Variants in PPARD observed in about 807,000 individuals in gnomAD.
PPARD encodes the protein peroxisome proliferator-activated receptor delta.
In PPARD, 6 loss-of-function variants were observed where a neutral mutation model predicts 39.5. The observed-to-expected ratio is 0.15, with a 90% CI of 0.08 to 0.30. The LOEUF is 0.30. PPARD is among the 10% of genes least tolerant of loss of function. PPARD has a pLI of 1.00. For missense variants in PPARD, 397 were observed against 596.8 expected, an observed-to-expected ratio of 0.67 and a Z score of 3.49; for synonymous variants, 210 against 231.3, an observed-to-expected ratio of 0.91 and a Z score of 0.83.
At chr6:35,345,233 A>C (rs562222273) in intron 1 of PPARD, among the ~76,000 whole-genome samples, 6 of 152,270 alleles carry the variant, frequency 3.9e-5, no homozygotes, top group South Asian at 2.1e-4. Flanking sequence ...ATTGTCAATT[A>C]CCAAATTCCT....
chr6:35,347,584 A>AATATAT (rs112387803), intron 2 of PPARD, among the ~76,000 whole-genome samples: 96 of 147,286 alleles, frequency 6.5e-4, no homozygotes, highest in African/African-American at 2.3e-3. Flanking sequence ...TTAGGGGGCA[A>AATATAT]ATATATATAT....
chr6:35,405,066 T>G (rs1764946783), intron 2 of PPARD, among the ~76,000 whole-genome samples: 2 of 151,988 alleles, frequency 1.3e-5, no homozygotes, highest in Admixed American at 1.3e-4. Flanking sequence ...ATCCTTTTAT[T>G]TTTATTTTTT....
intron 3 of PPARD, among the ~76,000 whole-genome samples, chr6:35,414,863 A>G (rs531102758): frequency 1.0e-3 from 158 of 152,236 alleles, no homozygotes; most frequent in African/African-American, 3.8e-3. Flanking sequence ...ACTGACTCTC[A>G]GTGCAGATAT....
intron 1 of PPARD, among the ~76,000 whole-genome samples, chr6:35,344,980 G>A (rs1792086126): frequency 6.6e-6 from 1 of 152,136 alleles, no homozygotes; most frequent in South Asian, 2.1e-4. Context: ...AAGAGGTAGA[G>A]GTCAAGTGTT....
chr6:35,426,008 C>G lies in PPARD; in HGVS notation c.1255C>G (p.Arg419Gly). 6.2e-7 allele frequency: 1 copy of G among 1,614,058 alleles called. No homozygotes were observed. The highest frequency in any genetic ancestry group is 8.5e-7 in the Non-Finnish European group (1 of 1,180,032). ...CACCGAGCACGCCCAGATGATGCAG[C>G]GGATCAAGAAGACCGAAACCGAGAC... ...LVTEHAQMMQRIKKTETETSL... is the reference protein window; with the variant it reads ...LVTEHAQMMQGIKKTETETSL... Residue 419 changes from arginine (R) to glycine (G), a missense_variant, in exon 8 of 8, where the codon CGG (arginine) becomes GGG (glycine). Physicochemically the swap from Arg to Gly is moderately radical, Grantham distance 125. Transcript: ENST00000360694.
intron 2 of PPARD, among the ~76,000 whole-genome samples, chr6:35,394,126 C>T (rs1764175152): frequency 6.6e-6 from 1 of 152,242 alleles, no homozygotes; most frequent in Non-Finnish European, 1.5e-5. Context: ...TCTCCCTTCC[C>T]TCCTGTTCTT....
intron 2 of PPARD, among the ~76,000 whole-genome samples, chr6:35,353,408 CCAGGG>C (rs1761377895): frequency 6.6e-6 from 1 of 152,182 alleles, no homozygotes. Context: ...GCACCCAGAG[CCAGGG>C]TGGAATAACC....
At chr6:35,384,901 G>A (rs1458405174) in intron 2 of PPARD, among the ~76,000 whole-genome samples, 10 of 127,506 alleles carry the variant, frequency 7.8e-5, no homozygotes, top group Admixed American at 2.9e-4. Flanking sequence ...CTGCCTGGCC[G>A]CCCCTACTGG....
chr6:35,379,578 C>A (rs1031033088), intron 2 of PPARD, among the ~76,000 whole-genome samples: 4 of 152,222 alleles, frequency 2.6e-5, no homozygotes, highest in African/African-American at 9.6e-5. Context: ...AGCTTGCACT[C>A]TAGTTGGAGA....
At chr6:35,374,919 C>T (rs1762719573) in intron 2 of PPARD, among the ~76,000 whole-genome samples, 1 of 152,066 alleles carries the variant, frequency 6.6e-6, no homozygotes, top group Non-Finnish European at 1.5e-5. Context: ...TTTAATCAGC[C>T]ACCAAGTCTT....
chr6:35,360,761 C>T (rs1761885524), intron 2 of PPARD, among the ~76,000 whole-genome samples: 1 of 149,256 alleles, frequency 6.7e-6, no homozygotes, highest in African/African-American at 2.6e-5. Flanking sequence ...ATATTTTTCT[C>T]TTTTCTTGCA....
At chr6:35,386,823 G>A (rs73413704) in intron 2 of PPARD, among the ~76,000 whole-genome samples, 10,402 of 152,042 alleles carry the variant, frequency 0.068, 755 homozygotes, top group African/African-American at 0.19. Context: ...TCCAGCACAG[G>A]ATGGTTTCTG....
Position 35,347,082 on chromosome 6 carries a change from T to A in PPARD, c.-170T>A, listed in dbSNP as rs1792228156. 6.5e-7 allele frequency: 1 copy of A among 1,535,432 alleles called. No homozygotes were observed. The highest frequency in any genetic ancestry group is 2.0e-5 in the Admixed American group (1 of 50,962). On this transcript the variant is annotated 5_prime_UTR_variant, in exon 2 of 8. Coordinates refer to ENST00000360694, the MANE Select transcript of PPARD (RefSeq NM_006238.5). The stretch of plus-strand genomic sequence containing the variant: ...TATCCTGCAGTGTTGTACAGTGTTT[T>A]GGGCATGCACGTGATACTCACACAG...
chr6:35,377,484 C>T (rs1263893223), intron 2 of PPARD, among the ~76,000 whole-genome samples: 3 of 152,184 alleles, frequency 2.0e-5, no homozygotes, highest in African/African-American at 7.2e-5. Flanking sequence ...TACACTTCAG[C>T]AAATTGAACT....
At chr6:35,344,346 G>A (rs1020022304) in intron 1 of PPARD, among the ~76,000 whole-genome samples, 6 of 151,984 alleles carry the variant, frequency 3.9e-5, no homozygotes, top group Non-Finnish European at 8.8e-5. Context: ...CTGGTGGGCT[G>A]TGGGGCTGCA....
At chr6:35,389,317 TTTTG>T (rs1168327868) in intron 2 of PPARD, among the ~76,000 whole-genome samples, 1 of 152,042 alleles carries the variant, frequency 6.6e-6, no homozygotes, top group Non-Finnish European at 1.5e-5. Context: ...TGTTTGTTTA[TTTTG>T]TTTTTTTGAG....
chr6:35,395,103 G>C (rs755031834), intron 2 of PPARD, among the ~76,000 whole-genome samples: 1 of 152,190 alleles, frequency 6.6e-6, no homozygotes, highest in South Asian at 2.1e-4. Context: ...AGAGAGGGGG[G>C]TGCCAGGCAT....
chr6:35,402,949 A>G (rs527782140), intron 2 of PPARD, among the ~76,000 whole-genome samples: 2 of 152,330 alleles, frequency 1.3e-5, no homozygotes, highest in African/African-American at 4.8e-5. Context: ...TCTTGTATCC[A>G]GAGGCTGCCC....
intron 2 of PPARD, among the ~76,000 whole-genome samples, chr6:35,379,504 G>T (rs1763014038): frequency 1.3e-5 from 2 of 152,224 alleles, no homozygotes; most frequent in Non-Finnish European, 2.9e-5. Context: ...TCAGTACTGT[G>T]CTGGGTGCTA....
Sources: allele counts gnomAD v4.1 joint callset (sites outside exome capture counted in the v4.1 genomes callset), GRCh38; gene constraint gnomAD v4.1.1; transcripts MANE v1.5; gene names NCBI Gene and HGNC (gene_info 2026-07-23, HGNC 2026-07-21).